Variants in AIFM3 observed in about 807,000 individuals in gnomAD.
AIFM3 encodes the protein AIF family member 3.
In AIFM3, 71 loss-of-function variants were observed where a neutral mutation model predicts 82.7. The observed-to-expected ratio is 0.86, with a 90% confidence interval of 0.71 to 1.05. The LOEUF (loss-of-function observed/expected upper bound fraction) is 1.05. Ranked by LOEUF, AIFM3 falls within the 50% of genes least tolerant of loss-of-function variation. The pLI, the probability that AIFM3 is intolerant of heterozygous loss-of-function variation, is 0.00. For missense variants in AIFM3, 748 were observed against 816.7 expected, an observed-to-expected ratio of 0.92 and a Z score of 1.03; for synonymous variants, 337 against 329.1, an observed-to-expected ratio of 1.02 and a Z score of -0.26.
chr22:20,965,442 C>T (rs1286502952), upstream of AIFM3: 1 of 152,332 alleles, frequency 6.6e-6, no homozygotes, highest in East Asian at 1.9e-4. Flanking sequence ...CGCGGGGCCC[C>T]ACTGTGTGCC....
intron 2 of AIFM3, among the ~76,000 whole-genome samples, chr22:20,972,887 C>G (rs1923358539): frequency 6.6e-6 from 1 of 152,022 alleles, no homozygotes; most frequent in Non-Finnish European, 1.5e-5. Context: ...TCTACCAACC[C>G]TGTCACGCCA....
At position 20,967,807 on chromosome 22, in the gene AIFM3, C is replaced by T. The variant is rs1441830468; in HGVS notation, c.-138C>T. The T allele has an allele frequency of 6.7e-6, 6 of 895,702 alleles. No homozygotes were observed. In the Admixed American group the frequency reaches 1.1e-4, roughly 16 times the overall value. 55.5% of individuals were successfully genotyped at this position (895,702 alleles called of 1,614,324 possible). Reference sequence around the variant, plus strand: ...GATGGCTCCAGTCTCCCCTGCAGGTCCTAGAGCAGCTCCAGCAGGATGGCG... The same window carrying T: ...GATGGCTCCAGTCTCCCCTGCAGGTTCTAGAGCAGCTCCAGCAGGATGGCG... On this transcript the variant is annotated splice_region_variant and 5_prime_UTR_variant, in exon 2 of 21. Coordinates refer to ENST00000440238, the MANE Select transcript of AIFM3 (RefSeq NM_001386814.1).
Position 20,967,985 on chromosome 22 carries a change from G to A in AIFM3, c.31+10G>A. 6.2e-7 allele frequency: 1 copy of A among 1,613,814 alleles called. No homozygotes were observed. Among genetic ancestry groups the A allele is most frequent in the Non-Finnish European group, 8.5e-7 (1 of 1,179,806 alleles). On this transcript the variant is annotated intron_variant, in intron 2 of 20. Coordinates refer to ENST00000440238, the MANE Select transcript of AIFM3 (RefSeq NM_001386814.1). ...TCCAAACCCAAACCAGGTACCTCCT[G>A]TCTTCTTGTCTCCATCCTTTCTCCT... is the stretch of plus-strand genomic sequence containing the variant.
chr22:20,974,321 G>A (rs1335652453), intron 6 of AIFM3, 25 bp downstream of exon 6: 2 of 1,611,600 alleles, frequency 1.2e-6, no homozygotes, highest in Non-Finnish European at 8.5e-7. Context: ...CGGGGCTCAG[G>A]CAGAAGGGAG....
rs561743171 is a variant in AIFM3 at position 20,980,638 on chromosome 22, A to G, written c.1758-109A>G. The G allele has an allele frequency of 2.0e-6, 3 of 1,469,406 alleles. No individual in the cohort carries two copies. The South Asian group carries it at 3.4e-5, about 17-fold the overall frequency. 91.0% of individuals were successfully genotyped at this position (1,469,406 alleles called of 1,614,324 possible). ...CTGGAGGCCACTGGGAGGCTATGAG[A>G]CAGGGGCAGGCTTCAGGCTGGAAAC... On this transcript the variant is annotated intron_variant, in intron 19 of 20. Transcript: ENST00000440238.
chr22:20,977,148 GC>G, intron 14 of AIFM3, 53 bp downstream of exon 14: 2 of 1,609,452 alleles, frequency 1.2e-6, no homozygotes, highest in Non-Finnish European at 1.7e-6. Flanking sequence ...GTCTGCACAT[GC>G]TCACATGTGA....
rs1203680013 is a variant in AIFM3 at position 20,981,213 on chromosome 22, A to C, written c.*182A>C. 2.6e-6 allele frequency: 2 copies of C among 759,458 alleles called. No individual in the cohort carries two copies. Among genetic ancestry groups the C allele is most frequent in the Non-Finnish European group, 4.2e-6 (2 of 473,624 alleles). The allele number at this position is 759,458 out of a possible 1,614,324, so 47.0% of individuals were successfully genotyped here. Reference sequence around the variant, plus strand: ...CCTCTGCTGGATCCAGAAGATGCTCAACCCTCAAGGCCTCTGCTGCCACTG... The same window carrying C: ...CCTCTGCTGGATCCAGAAGATGCTCCACCCTCAAGGCCTCTGCTGCCACTG... On this transcript the variant is annotated 3_prime_UTR_variant, in exon 21 of 21. Coordinates refer to ENST00000440238, the MANE Select transcript of AIFM3 (RefSeq NM_001386814.1).
intron 8 of AIFM3, among the ~76,000 whole-genome samples, chr22:20,975,218 C>T (rs974309662): frequency 6.6e-6 from 1 of 151,884 alleles, no homozygotes; most frequent in African/African-American, 2.4e-5. Context: ...CCGCCCACCT[C>T]AGCCTCCCAA....
Position 20,974,608 on chromosome 22 carries a change from C to G in AIFM3, c.594C>G (p.Leu198=). ...SAGYSSSTNV[L]IVGAGAAGLV... is the part of the protein sequence containing the mutation. ...GGTACAGCAGTAGCACCAATGTGCTCATTGTGGGTGCAGGTTGGTAGTGGG... is the reference window on the plus strand; with the variant it reads ...GGTACAGCAGTAGCACCAATGTGCTGATTGTGGGTGCAGGTTGGTAGTGGG... Residue 198 remains leucine (L), a synonymous_variant, in exon 7 of 21, where the codon CTC becomes CTG. Coordinates refer to ENST00000440238, the MANE Select transcript of AIFM3 (RefSeq NM_001386814.1). 2.5e-6 allele frequency: 4 copies of G among 1,613,702 alleles called. No homozygotes were observed. Among genetic ancestry groups the G allele is most frequent in the Non-Finnish European group, 3.4e-6 (4 of 1,179,872 alleles).
At position 20,981,112 on chromosome 22, in the gene AIFM3, G is replaced by A; in HGVS notation, c.*81G>A. 2 of 1,585,290 alleles carry A rather than the reference G, an allele frequency of 1.3e-6. No individual in the cohort carries two copies. Among genetic ancestry groups the A allele is most frequent in the Non-Finnish European group, 1.7e-6 (2 of 1,161,788 alleles). On this transcript the variant is annotated 3_prime_UTR_variant, in exon 21 of 21. Transcript: ENST00000440238. Reference sequence around the variant, plus strand: ...CCTTGGGGGCAGGTGCCAATCTCCAGTCCCAGGATCCCCCAGGGCAGAACC... The same window carrying A: ...CCTTGGGGGCAGGTGCCAATCTCCAATCCCAGGATCCCCCAGGGCAGAACC...
chr22:20,979,222 G>A (rs1423207504), intron 16 of AIFM3, 49 bp from the exon 17 acceptor site: 2 of 1,539,020 alleles, frequency 1.3e-6, no homozygotes, highest in African/African-American at 2.7e-5. Context: ...AGGTAGTGTG[G>A]GAGTGGTAAG....
In AIFM3 at chr22:20,976,921, C is replaced by T. The variant is rs1365055212; in HGVS notation, c.1201C>T (p.Arg401Trp). 9.3e-6 allele frequency: 15 copies of T among 1,610,162 alleles called. No individual in the cohort carries two copies. The highest frequency in any genetic ancestry group is 2.7e-5 in the African/African-American group (2 of 74,826). ...FYMQTEVSEL[R>W]GQEGKLKEVV... ...CATGCAGACGGAGGTGTCTGAGCTG[C>T]GGGGCCAGGAGGGAAAGGTGGGCCC... The change falls in exon 13 of 21, where the codon CGG (arginine) becomes TGG (tryptophan). Residue 401 changes from arginine to tryptophan, a missense_variant. Arg to Trp is a moderately radical substitution (Grantham distance 101). Coordinates refer to ENST00000440238, the MANE Select transcript of AIFM3 (RefSeq NM_001386814.1).
In AIFM3 at chr22:20,976,865, A is replaced by G; in HGVS notation, c.1147-2A>G. On this transcript the variant is annotated splice_acceptor_variant, in intron 12 of 20. Transcript: ENST00000440238. LOFTEE classifies it high-confidence loss of function. ...CGCCCACCTGCCCACTTGCCCTGAC[A>G]GATGTTTGAGAACAACCGGGTGAAG... The G allele has an allele frequency of 1.3e-6, 2 of 1,599,728 alleles. No individual in the cohort carries two copies. Among genetic ancestry groups the G allele is most frequent in the Non-Finnish European group, 1.7e-6 (2 of 1,171,252 alleles).
intron 3 of AIFM3, 94 bp downstream of exon 3, chr22:20,973,614 G>T: frequency 2.1e-6 from 3 of 1,421,788 alleles, no homozygotes; most frequent in Non-Finnish European, 2.9e-6. Flanking sequence ...GCCTGAAGGG[G>T]CTATGACCAG....
chr22:20,976,919 T>C lies in AIFM3; in HGVS notation c.1199T>C (p.Leu400Pro). 6.2e-7 allele frequency: 1 copy of C among 1,610,666 alleles called. No homozygotes were observed. The highest frequency in any genetic ancestry group is 1.1e-5 in the South Asian group (1 of 90,908). The change falls in exon 13 of 21, where the codon CTG becomes CCG. Residue 400 changes from leucine to proline, a missense_variant. Leu to Pro is a moderately conservative substitution (Grantham distance 98). Coordinates refer to ENST00000440238, the MANE Select transcript of AIFM3 (RefSeq NM_001386814.1). ...KFYMQTEVSELRGQEGKLKEV... is the reference protein window; with the variant it reads ...KFYMQTEVSEPRGQEGKLKEV... ...TACATGCAGACGGAGGTGTCTGAGC[T>C]GCGGGGCCAGGAGGGAAAGGTGGGC... is the stretch of plus-strand genomic sequence containing the variant.
In AIFM3 at chr22:20,977,712, C is replaced by T; in HGVS notation, c.1295C>T (p.Ala432Val). The change falls in exon 15 of 21, where the codon GCC (alanine) becomes GTC (valine). Residue 432 changes from alanine to valine, a missense_variant. Physicochemically the swap from Ala to Val is moderately conservative, Grantham distance 64 (BLOSUM62 0). Coordinates refer to ENST00000440238, the MANE Select transcript of AIFM3 (RefSeq NM_001386814.1). ...VCVVGIGAVPATGFLRQSGIG... is the reference protein window; with the variant it reads ...VCVVGIGAVPVTGFLRQSGIG... Reference sequence around the variant, plus strand: ...TCCGTCCTGTCAGGTGCAGTGCCCGCCACAGGCTTCCTGAGGCAAAGCGGC... The same window carrying T: ...TCCGTCCTGTCAGGTGCAGTGCCCGTCACAGGCTTCCTGAGGCAAAGCGGC... 1 of 1,614,178 alleles carries T rather than the reference C, an allele frequency of 6.2e-7. No homozygotes were observed. Among genetic ancestry groups the T allele is most frequent in the Non-Finnish European group, 8.5e-7 (1 of 1,180,034 alleles).
In AIFM3 at chr22:20,977,153, C is replaced by T. The variant is rs1923740699; in HGVS notation, c.1282+58C>T. 5 of 1,608,290 alleles carry T rather than the reference C, an allele frequency of 3.1e-6. No individual in the cohort carries two copies. The South Asian group carries it at 3.3e-5, about 11-fold the overall frequency. On this transcript the variant is annotated intron_variant, in intron 14 of 20. Coordinates refer to ENST00000440238, the MANE Select transcript of AIFM3 (RefSeq NM_001386814.1). ...CAGCCCAGCCGTCTGCACATGCTCA[C>T]ATGTGACCTTGGGCTAGTCCCTTCC...
At chr22:20,969,719 G>A (rs1355992547) in intron 2 of AIFM3, among the ~76,000 whole-genome samples, 1 of 152,152 alleles carries the variant, frequency 6.6e-6, no homozygotes, top group Non-Finnish European at 1.5e-5. Flanking sequence ...CCTTTTCTGA[G>A]CTGGGCTCTG....
intron 2 of AIFM3, among the ~76,000 whole-genome samples, chr22:20,972,412 A>T (rs1923325895): frequency 6.6e-6 from 1 of 152,144 alleles, no homozygotes. Flanking sequence ...CAAAAAAAAA[A>T]AAAAAAGAAG....
Sources: gnomAD v4.1 joint callset for allele counts (sites outside exome capture counted in the v4.1 genomes callset) on GRCh38, gnomAD v4.1.1 for gene constraint, MANE v1.5 for transcripts, NCBI Gene and HGNC (gene_info 2026-07-23, HGNC 2026-07-21) for gene names.